CRIP3: variants seen among roughly 807,000 people sequenced by gnomAD.
CRIP3 encodes cysteine-rich protein 3.
A neutral mutation model predicts 30.3 loss-of-function variants in CRIP3; 23 were observed. The ratio of observed to expected loss-of-function variants is 0.76; its 90% confidence interval spans 0.55 to 1.08. The LOEUF (loss-of-function observed/expected upper bound fraction) is 1.08, where lower values mean the gene tolerates loss of function less well. Among genes scored for constraint, CRIP3 ranks in the 50% least tolerant of loss-of-function variants. The pLI, the probability that CRIP3 is intolerant of heterozygous loss-of-function variation, is 0.00. For missense variants in CRIP3, 261 were observed against 259.3 expected, an observed-to-expected ratio of 1.01 and a Z score of -0.04; for synonymous variants, 89 against 97.6, an observed-to-expected ratio of 0.91 and a Z score of 0.52.
intron 2 of CRIP3, 73 bp downstream of exon 2, chr6:43,308,242 A>T: frequency 7.5e-7 from 1 of 1,338,186 alleles, no homozygotes; most frequent in Non-Finnish European, 1.0e-6. Context: ...TCCAGTGCTG[A>T]AGTTGGGGGC....
In CRIP3 at chr6:43,307,503, G is replaced by A. The variant is rs79703220; in HGVS notation, c.328+109C>T. 4,663 of 1,077,130 alleles carry A rather than the reference G, an allele frequency of 4.3e-3. 127 individuals carry two copies. In the African/African-American group the frequency reaches 0.06, roughly 14 times the overall value. The allele number at this position is 1,077,130 out of a possible 1,614,324, so 66.7% of individuals were successfully genotyped here. On this transcript the variant is annotated intron_variant, in intron 4 of 7. Transcript: ENST00000372569. Reference sequence around the variant, plus strand: ...AAGACTTTGCCAAGAATGAAGTTGTGAGAATGTGAAGCAGAGGGCTGGATA... The same window carrying A: ...AAGACTTTGCCAAGAATGAAGTTGTAAGAATGTGAAGCAGAGGGCTGGATA...
intron 4 of CRIP3, 140 bp downstream of exon 4, chr6:43,307,472 A>C: frequency 1.3e-6 from 1 of 784,770 alleles, no homozygotes; most frequent in Non-Finnish European, 1.8e-6. Flanking sequence ...CGGGGAGTAG[A>C]TAGAGAAGAC....
intron 1 of CRIP3, 50 bp from the exon 2 acceptor site, chr6:43,308,459 G>C (rs1490046125): frequency 6.6e-7 from 1 of 1,516,100 alleles, no homozygotes; most frequent in Admixed American, 1.7e-5. Context: ...TCCAAGCATA[G>C]GGCCCCTCCT....
At chr6:43,307,451 G>GAAAA in intron 4 of CRIP3, 161 bp downstream of exon 4, 1 of 620,864 alleles carries the variant, frequency 1.6e-6, no homozygotes. Context: ...AAGAAAGAAA[G>GAAAA]AAAAAAAAAG....
At chr6:43,306,551 G>A in intron 4 of CRIP3, 34 bp from the exon 5 acceptor site, 1 of 1,535,246 alleles carries the variant, frequency 6.5e-7, no homozygotes. Flanking sequence ...CTATGTCTGA[G>A]GTGGAGATGC....
In CRIP3 at chr6:43,307,568, G is replaced by C. The variant is rs764936237; in HGVS notation, c.328+44C>G. The C allele has an allele frequency of 2.9e-6, 4 of 1,379,938 alleles. No homozygotes were observed. The Admixed American group carries it at 1.1e-4, about 37-fold the overall frequency. The allele number at this position is 1,379,938 out of a possible 1,614,324, so 85.5% of individuals were successfully genotyped here. A position where few individuals can be genotyped will look rare whatever the true frequency, so the allele number is the denominator to read the frequency against. ...GGCCCAACCTCCGCTCCAGCTTGGG[G>C]AAGGGTCGGGAGGAGGACTGGGAGG... On this transcript the variant is annotated intron_variant, in intron 4 of 7. Transcript: ENST00000372569.
In CRIP3 at chr6:43,306,216, C is replaced by T. The variant is rs1206036775; in HGVS notation, c.495+3G>A. The T allele has an allele frequency of 1.2e-6, 2 of 1,614,190 alleles. No individual in the cohort carries two copies. The highest frequency in any genetic ancestry group is 1.1e-5 in the South Asian group (1 of 91,072). Reference sequence around the variant, plus strand: ...CATAACCACTCATTCCTGCCCTGCTCACCTCAGCATGACTCCCAGCAGTCA... The same window carrying T: ...CATAACCACTCATTCCTGCCCTGCTTACCTCAGCATGACTCCCAGCAGTCA... On this transcript the variant is annotated splice_donor_region_variant and intron_variant, in intron 6 of 7. Coordinates refer to ENST00000372569, the MANE Select transcript of CRIP3 (RefSeq NM_206922.3).
intron 4 of CRIP3, chr6:43,307,396 C>G (rs550288087): frequency 9.8e-4 from 374 of 383,086 alleles, no homozygotes; most frequent in African/African-American, 6.9e-3. Flanking sequence ...CCTCGGCCTC[C>G]CAACAATTTA....
chr6:43,307,801 GT>G (rs1486995487), intron 3 of CRIP3, 37 bp downstream of exon 3: 1 of 1,612,222 alleles, frequency 6.2e-7, no homozygotes, highest in Admixed American at 1.7e-5. Flanking sequence ...CACAAGGAGG[GT>G]TCTGCTGACC....
chr6:43,306,578 G>A, intron 4 of CRIP3, 61 bp from the exon 5 acceptor site: 2 of 1,320,906 alleles, frequency 1.5e-6, no homozygotes, highest in Non-Finnish European at 2.1e-6. Context: ...GCACCTGCCT[G>A]CATATGGTGC....
rs745539913 is a variant in CRIP3 at position 43,306,148 on chromosome 6, C to A, written c.496-24G>T. 6 of 1,613,980 alleles carry A rather than the reference C, an allele frequency of 3.7e-6. No individual in the cohort carries two copies. The Admixed American group carries it at 1.0e-4, about 27-fold the overall frequency. On this transcript the variant is annotated intron_variant, in intron 6 of 7. Coordinates refer to ENST00000372569, the MANE Select transcript of CRIP3 (RefSeq NM_206922.3). ...TGCTGAGACACAGAGAGAAAGAGAG[C>A]TGTCTCAGCCTGGTTCTCTTCCCAT...
intron 1 of CRIP3, 65 bp downstream of exon 1, chr6:43,308,684 CG>C (rs1442846902): frequency 6.3e-7 from 1 of 1,590,894 alleles, no homozygotes; most frequent in African/African-American, 1.3e-5. Flanking sequence ...TAGCCCTCCG[CG>C]TCCTCAGGGA....
chr6:43,308,459 G>A, intron 1 of CRIP3, 50 bp from the exon 2 acceptor site: 1 of 1,516,100 alleles, frequency 6.6e-7, no homozygotes, highest in East Asian at 2.3e-5. Context: ...TCCAAGCATA[G>A]GGCCCCTCCT....
Position 43,307,632 on chromosome 6 carries a change from C to A in CRIP3, c.308G>T (p.Gly103Val). The part of the protein sequence containing the change: ...SSFSPPRPRT[G>V]LPQGKKSPPH... ...CTTACTTTTCTTGCCTTGGGGGAGGCCAGTCCTTGGCCTGGGAGGGCTGAA... is the reference window on the plus strand; with the variant it reads ...CTTACTTTTCTTGCCTTGGGGGAGGACAGTCCTTGGCCTGGGAGGGCTGAA... The change falls in exon 4 of 8, where the codon GGC (glycine) becomes GTC (valine). Residue 103 changes from glycine to valine, a missense_variant. Physicochemically the swap from Gly to Val is moderately radical, Grantham distance 109 (BLOSUM62 -3). Coordinates refer to ENST00000372569, the MANE Select transcript of CRIP3 (RefSeq NM_206922.3). The A allele has an allele frequency of 6.8e-7, 1 of 1,479,582 alleles. No individual in the cohort carries two copies. The highest frequency in any genetic ancestry group is 2.4e-5 in the East Asian group (1 of 41,770). 91.7% of individuals were successfully genotyped at this position (1,479,582 alleles called of 1,614,324 possible).
At chr6:43,307,008 G>C (rs940765764) in intron 4 of CRIP3, 1 of 157,340 alleles carries the variant, frequency 6.4e-6, no homozygotes, top group Non-Finnish European at 1.4e-5. Flanking sequence ...ACAGACCTAA[G>C]TTCCTGGCCA....
chr6:43,306,406 A>G (rs1778933248), intron 5 of CRIP3, 40 bp downstream of exon 5: 1 of 1,344,526 alleles, frequency 7.4e-7, no homozygotes, highest in African/African-American at 1.5e-5. Context: ...CTTGCTGCCC[A>G]CCCTGTATCC....
chr6:43,305,966 T>C lies in CRIP3; in HGVS notation c.554-91A>G, dbSNP rs560991651. On this transcript the variant is annotated intron_variant, in intron 7 of 7. Transcript: ENST00000372569. ...ACTTGGTGGGGGGGCCAGGGTATGC[T>C]TAACCACAGGGGAAGTTGTCCACAC... The C allele has an allele frequency of 1.9e-5, 31 of 1,610,386 alleles. No homozygotes were observed. In the South Asian group the frequency reaches 3.3e-4, roughly 17 times the overall value.
chr6:43,307,480 G>C, intron 4 of CRIP3, 132 bp downstream of exon 4: 1 of 861,092 alleles, frequency 1.2e-6, no homozygotes, highest in Non-Finnish European at 1.6e-6. Flanking sequence ...AGATAGAGAA[G>C]ACTTTGCCAA....
chr6:43,308,042 C>G, intron 2 of CRIP3, 146 bp from the exon 3 acceptor site: 1 of 868,196 alleles, frequency 1.2e-6, no homozygotes, highest in Non-Finnish European at 1.8e-6. Flanking sequence ...GCTGGCATGC[C>G]AGCATTTCCA....
Sources: allele counts gnomAD v4.1 joint callset, GRCh38; gene constraint gnomAD v4.1.1; transcripts MANE v1.5; gene names NCBI Gene and HGNC (gene_info 2026-07-23, HGNC 2026-07-21).